Variants in BLOC1S3 observed in about 807,000 individuals in gnomAD.
The protein encoded by BLOC1S3 is biogenesis of lysosome-related organelles complex 1 subunit 3.
BLOC1S3 carries 7 observed loss-of-function variants against 9.1 expected under a neutral mutation model. That is an observed-to-expected ratio of 0.77 (90% CI 0.44 to 1.45). BLOC1S3 has a LOEUF of 1.45. Among genes scored for constraint, BLOC1S3 ranks in the 40% most tolerant of loss-of-function variants. The pLI, the probability that BLOC1S3 is intolerant of heterozygous loss-of-function variation, is 0.01. For missense variants in BLOC1S3, 307 were observed against 315.2 expected (o/e 0.97, Z 0.20); for synonymous variants, 145 against 158.4 (o/e 0.92, Z 0.64).
intron 2 of BLOC1S3, among the ~76,000 whole-genome samples, chr19:45,201,826 A>G (rs1335516336): frequency 6.6e-6 from 1 of 152,122 alleles, no homozygotes; most frequent in African/African-American, 2.4e-5. Flanking sequence ...AGTTTCCCCC[A>G]TACTGTTCTT....
intron 3 of BLOC1S3, among the ~76,000 whole-genome samples, chr19:45,203,005 C>T (rs1246935584): frequency 6.6e-6 from 1 of 151,978 alleles, no homozygotes; most frequent in Non-Finnish European, 1.5e-5. Context: ...CCTCCTATGG[C>T]TGAGCTGGTA....
At chr19:45,207,436 CTTG>C (rs1331168015) in intron 3 of BLOC1S3, among the ~76,000 whole-genome samples, 1 of 151,832 alleles carries the variant, frequency 6.6e-6, no homozygotes, top group Non-Finnish European at 1.5e-5. Flanking sequence ...CCTCACCTGC[CTTG>C]TTTTTTTAAT....
chr19:45,183,346 C>T (rs1410127251), downstream of BLOC1S3, among the ~76,000 whole-genome samples: 1 of 151,738 alleles, frequency 6.6e-6, no homozygotes, highest in African/African-American at 2.4e-5. Context: ...CATGGTGGCA[C>T]ATGCCTGTAA....
chr19:45,201,467 A>T (rs1005362977), intron 2 of BLOC1S3, among the ~76,000 whole-genome samples: 1 of 152,136 alleles, frequency 6.6e-6, no homozygotes, highest in Non-Finnish European at 1.5e-5. Flanking sequence ...CGTGGCAACC[A>T]CTACCTGGCT....
intron 3 of BLOC1S3, among the ~76,000 whole-genome samples, chr19:45,209,788 G>T (rs769250902): frequency 9.9e-5 from 15 of 151,374 alleles, no homozygotes; most frequent in Non-Finnish European, 1.8e-4. Flanking sequence ...GCACCATCTT[G>T]GCTCACCATC....
intron 3 of BLOC1S3, chr19:45,212,801 T>C (rs1969789255): frequency 7.6e-6 from 3 of 392,464 alleles, no homozygotes; most frequent in East Asian, 8.7e-5. Flanking sequence ...GGTCTCACTA[T>C]GTTGCCCAGG....
At chr19:45,206,405 A>T (rs1969725720) in intron 3 of BLOC1S3, among the ~76,000 whole-genome samples, 1 of 117,618 alleles carries the variant, frequency 8.5e-6, no homozygotes, top group East Asian at 2.3e-4. Flanking sequence ...TTCCTGATTC[A>T]TCTGGTCATT....
chr19:45,216,219 T>C (rs1374058476), intron 3 of BLOC1S3: 1 of 1,611,614 alleles, frequency 6.2e-7, no homozygotes, highest in East Asian at 2.2e-5. Flanking sequence ...GGGTGCGGGG[T>C]CACACCCTCC....
chr19:45,203,262 G>GTTTA lies in BLOC1S3; in HGVS notation n.282+783_282+786dup, dbSNP rs4012978. ...TCCTTGTGGCCTGACTGCCTTTCAA[G>GTTTA]TTTATTTATTTATTTATTTATTTAT... is the stretch of plus-strand genomic sequence containing the variant. On this transcript the variant is annotated intron_variant and non_coding_transcript_variant, in intron 3 of 3. Transcript: ENST00000591569. Among the ~76,000 whole-genome samples, 627 of 149,786 alleles carry GTTTA rather than the reference G, an allele frequency of 4.2e-3. 5 individuals are homozygous for GTTTA. The highest frequency in any genetic ancestry group is 6.4e-3 in the Admixed American group (96 of 14,892).
intron 2 of BLOC1S3, among the ~76,000 whole-genome samples, chr19:45,201,821 C>G (rs1969692794): frequency 1.3e-5 from 2 of 152,240 alleles, no homozygotes; most frequent in African/African-American, 2.4e-5. Flanking sequence ...GGGGCAGTTT[C>G]CCCCATACTG....
At chr19:45,195,855 A>C (rs1969644506) in intron 2 of BLOC1S3, among the ~76,000 whole-genome samples, 1 of 152,162 alleles carries the variant, frequency 6.6e-6, no homozygotes, top group African/African-American at 2.4e-5. Flanking sequence ...TTGGCCTCCC[A>C]AAGTGGTGGG....
In BLOC1S3 at chr19:45,180,235, ATT is replaced by A. The variant is rs34965337; in HGVS notation, c.*353_*354del. The A allele has an allele frequency of 4.1e-3, 372 of 90,428 alleles. No homozygotes were observed. Among genetic ancestry groups the A allele is most frequent in the South Asian group, 0.017 (55 of 3,162 alleles). 5.6% of individuals were successfully genotyped at this position (90,428 alleles called of 1,614,324 possible). A position where few individuals can be genotyped will look rare whatever the true frequency, so the allele number is the denominator to read the frequency against. On this transcript the variant is annotated 3_prime_UTR_variant, in exon 2 of 2. Transcript: ENST00000433642. ...CTGTTTCCACCCTGGGGGCTCACCA[ATT>A]TTTTTTTTTTTTTTTTTTTTTTGGA...
chr19:45,206,086 G>C (rs546128663), intron 3 of BLOC1S3, among the ~76,000 whole-genome samples: 8 of 152,188 alleles, frequency 5.3e-5, no homozygotes, highest in Non-Finnish European at 1.2e-4. Context: ...AGTGACTCAC[G>C]CCTGTAATTC....
chr19:45,183,623 CTT>C (rs57651816), downstream of BLOC1S3, among the ~76,000 whole-genome samples: 29 of 105,104 alleles, frequency 2.8e-4, no homozygotes, highest in African/African-American at 1.1e-3. Context: ...CTTTTCTTTT[CTT>C]TTTTTTTTTT....
intron 3 of BLOC1S3, among the ~76,000 whole-genome samples, chr19:45,202,916 G>A (rs1215294450): frequency 1.3e-5 from 2 of 152,060 alleles, no homozygotes; most frequent in African/African-American, 4.8e-5. Context: ...CTTCCCTTCT[G>A]GTCCAGGGTG....
At chr19:45,207,794 G>A (rs935025729) in intron 3 of BLOC1S3, among the ~76,000 whole-genome samples, 2 of 152,170 alleles carry the variant, frequency 1.3e-5, no homozygotes, top group East Asian at 3.9e-4. Flanking sequence ...AGGTGCACAC[G>A]CATACACCTG....
chr19:45,211,306 G>T (rs555574663), intron 3 of BLOC1S3, among the ~76,000 whole-genome samples: 2 of 152,036 alleles, frequency 1.3e-5, no homozygotes, highest in South Asian at 4.2e-4. Context: ...AGACCAGCCT[G>T]GCCAACATGG....
At chr19:45,182,401 C>T (rs764318465), downstream of BLOC1S3, among the ~76,000 whole-genome samples, 47 of 150,914 alleles carry the variant, frequency 3.1e-4, no homozygotes, top group African/African-American at 1.1e-3. Context: ...GGCGCAGTTA[C>T]GCATGTCTTT....
intron 2 of BLOC1S3, among the ~76,000 whole-genome samples, chr19:45,200,307 G>A (rs1036219634): frequency 2.0e-5 from 3 of 150,446 alleles, no homozygotes; most frequent in Non-Finnish European, 2.9e-5. Context: ...TCAGCCTTCC[G>A]AGTAGCTGGG....
Sources: allele counts gnomAD v4.1 joint callset (sites outside exome capture counted in the v4.1 genomes callset), GRCh38; gene constraint gnomAD v4.1.1; transcripts MANE v1.5; gene names NCBI Gene and HGNC (gene_info 2026-07-23, HGNC 2026-07-21).